The following GRM7 variants were observed in gnomAD, a reference collection of about 807,000 sequenced individuals.
The protein encoded by GRM7 is glutamate metabotropic receptor 7, also known as metabotropic glutamate receptor 7.
In GRM7, 35 loss-of-function variants were observed where a neutral mutation model predicts 84.5. The ratio of observed to expected loss-of-function variants is 0.41; its 90% CI spans 0.32 to 0.55. The LOEUF (loss-of-function observed/expected upper bound fraction) is 0.55, where lower values mean the gene tolerates loss of function less well. Among genes scored for constraint, GRM7 ranks in the 20% least tolerant of loss-of-function variants. The pLI, the probability that GRM7 is intolerant of heterozygous loss-of-function variation, is 0.19. For missense variants in GRM7, 1,003 were observed against 1,194.6 expected, an observed-to-expected ratio of 0.84 and a Z score of 2.36; for synonymous variants, 487 against 455.1, an observed-to-expected ratio of 1.07 and a Z score of -0.89.
chr3:7,006,155 A>G (rs1430525012), intron 1 of GRM7, among the ~76,000 whole-genome samples: 1 of 152,134 alleles, frequency 6.6e-6, no homozygotes, highest in Non-Finnish European at 1.5e-5. Flanking sequence ...AGGACTTTCC[A>G]TCTATATTTT....
rs866763124 is a variant in GRM7 at position 7,360,927 on chromosome 3, T to C, written c.1034-54096T>C. On this transcript the variant is annotated intron_variant, in intron 4 of 9. Transcript: ENST00000357716. Reference sequence around the variant, plus strand: ...GAAAGGTCAGGTTTTCCTGCATTCATGTTTAATGACAGTCCCATCTTGGAC... The same window carrying C: ...GAAAGGTCAGGTTTTCCTGCATTCACGTTTAATGACAGTCCCATCTTGGAC... 3.9e-5 allele frequency among the ~76,000 whole-genome samples: 6 copies of C among 152,238 alleles called. No individual in the cohort carries two copies. In the Middle Eastern group the frequency reaches 0.014, roughly 345 times the overall value.
intron 8 of GRM7, among the ~76,000 whole-genome samples, chr3:7,647,818 C>G (rs1348258621): frequency 2.1e-5 from 2 of 96,508 alleles, no homozygotes; most frequent in South Asian, 3.0e-4. Context: ...GATGGTCTTG[C>G]TTTTTAAAGG....
intron 1 of GRM7, among the ~76,000 whole-genome samples, chr3:7,015,512 A>T (rs2124902420): frequency 6.6e-6 from 1 of 152,382 alleles, no homozygotes; most frequent in Non-Finnish European, 1.5e-5. Flanking sequence ...ATAACAAATT[A>T]ATGCAAAAAT....
intron 3 of GRM7, among the ~76,000 whole-genome samples, chr3:7,303,320 T>C (rs1395112726): frequency 1.3e-5 from 2 of 152,178 alleles, no homozygotes; most frequent in East Asian, 1.9e-4. Flanking sequence ...AAAACATTAG[T>C]CTCCTGTTCC....
At chr3:7,127,033 T>C (rs1301176339) in intron 1 of GRM7, among the ~76,000 whole-genome samples, 1 of 152,260 alleles carries the variant, frequency 6.6e-6, no homozygotes, top group Non-Finnish European at 1.5e-5. Flanking sequence ...TCATGAGCTC[T>C]TGACTAGTAG....
At chr3:7,418,311 C>T (rs1417277866) in intron 5 of GRM7, among the ~76,000 whole-genome samples, 3 of 152,164 alleles carry the variant, frequency 2.0e-5, no homozygotes, top group Non-Finnish European at 4.4e-5. Flanking sequence ...GTGAGCCATC[C>T]TGCTCATGGG....
intron 8 of GRM7, among the ~76,000 whole-genome samples, chr3:7,658,511 A>G (rs1275598939): frequency 6.6e-6 from 1 of 152,200 alleles, no homozygotes; most frequent in Non-Finnish European, 1.5e-5. Context: ...TAGCTGCAGC[A>G]AGAATTCCCA....
intron 1 of GRM7, among the ~76,000 whole-genome samples, chr3:7,040,495 G>A (rs1196907986): frequency 6.6e-6 from 1 of 151,936 alleles, no homozygotes; most frequent in Non-Finnish European, 1.5e-5. Context: ...AGTAGAGACA[G>A]GGTTTCACTG....
chr3:7,006,843 T>C (rs1695196436), intron 1 of GRM7, among the ~76,000 whole-genome samples: 1 of 152,228 alleles, frequency 6.6e-6, no homozygotes, highest in African/African-American at 2.4e-5. Context: ...ACCTACTATG[T>C]GTTAGAATCT....
intron 9 of GRM7, among the ~76,000 whole-genome samples, chr3:7,686,756 A>C (rs557145658): frequency 6.6e-6 from 1 of 152,302 alleles, no homozygotes; most frequent in South Asian, 2.1e-4. Context: ...CCAGTGGTGA[A>C]AAACTATTTC....
chr3:7,519,205 A>G (rs1167900415), intron 7 of GRM7, among the ~76,000 whole-genome samples: 1 of 152,136 alleles, frequency 6.6e-6, no homozygotes, highest in Non-Finnish European at 1.5e-5. Context: ...ACTATAAAAC[A>G]TACTTAGCTA....
chr3:7,389,372 GTATT>G (rs1467249720), intron 4 of GRM7, among the ~76,000 whole-genome samples: 2 of 152,074 alleles, frequency 1.3e-5, no homozygotes, highest in East Asian at 3.8e-4. Context: ...TATTCTGTAG[GTATT>G]TATTAGGTTC....
At chr3:7,038,389 G>C (rs1030028981) in intron 1 of GRM7, among the ~76,000 whole-genome samples, 3 of 152,140 alleles carry the variant, frequency 2.0e-5, no homozygotes, top group African/African-American at 7.2e-5. Flanking sequence ...CTGCAGACTT[G>C]CTTGATTCCG....
intron 7 of GRM7, among the ~76,000 whole-genome samples, chr3:7,478,869 G>T (rs574882282): frequency 3.3e-5 from 5 of 152,156 alleles, no homozygotes; most frequent in Admixed American, 1.3e-4. Context: ...TTGTTTTACT[G>T]ACTCCATAAA....
chr3:7,452,894 T>A, intron 6 of GRM7, 87 bp downstream of exon 6: 2 of 801,350 alleles, frequency 2.5e-6, no homozygotes, highest in African/African-American at 1.7e-5. Context: ...TTATTTACTT[T>A]AAAATATGTG....
intron 8 of GRM7, among the ~76,000 whole-genome samples, chr3:7,637,194 AGTGCAGTGGCACAATC>A: frequency 6.6e-6 from 1 of 152,324 alleles, no homozygotes; most frequent in Admixed American, 6.5e-5. Flanking sequence ...CCCAGGCTAC[AGTGCAGTGGCACAATC>A]ATAGCTCACT....
chr3:6,877,226 G>A (rs1347538643), intron 1 of GRM7, among the ~76,000 whole-genome samples: 1 of 152,186 alleles, frequency 6.6e-6, no homozygotes, highest in East Asian at 1.9e-4. Context: ...GTCTGGTACT[G>A]GTTTGCCTGC....
chr3:7,290,503 C>A (rs1458757188), intron 2 of GRM7, among the ~76,000 whole-genome samples: 1 of 152,152 alleles, frequency 6.6e-6, no homozygotes, highest in Non-Finnish European at 1.5e-5. Flanking sequence ...TGCTGTTCAA[C>A]ATTTCTTGGC....
rs145138522 is a variant in GRM7 at position 7,514,836 on chromosome 3, G to A, written c.1515+53114G>A. On this transcript the variant is annotated intron_variant, in intron 7 of 9. Coordinates refer to ENST00000357716, the MANE Select transcript of GRM7 (RefSeq NM_000844.4). ...ATACTTTCCATAAAGCGCAGGTGCA[G>A]GATTTTATTCTCCAGAGTCCGCTTC... is the stretch of plus-strand genomic sequence containing the variant. 3.0e-3 allele frequency among the ~76,000 whole-genome samples: 450 copies of A among 152,222 alleles called. 9 individuals are homozygous for A. Among genetic ancestry groups the A allele is most frequent in the Non-Finnish European group, 1.2e-4 (8 of 68,014 alleles).
Sources: gnomAD v4.1 joint callset for allele counts (sites outside exome capture counted in the v4.1 genomes callset) on GRCh38, gnomAD v4.1.1 for gene constraint, MANE v1.5 for transcripts, NCBI Gene and HGNC (gene_info 2026-07-23, HGNC 2026-07-21) for gene names.